The following PPP2R2A variants were observed in gnomAD, a reference collection of about 807,000 sequenced individuals.
The protein encoded by PPP2R2A is protein phosphatase 2 regulatory subunit Balpha, also known as serine/threonine-protein phosphatase 2A 55 kDa regulatory subunit B alpha isoform.
A neutral mutation model predicts 53.2 loss-of-function variants in PPP2R2A; 9 were observed. The observed-to-expected ratio is 0.17, with a 90% CI of 0.10 to 0.30. The LOEUF (loss-of-function observed/expected upper bound fraction) is 0.30, where lower values mean the gene tolerates loss of function less well. Ranked by LOEUF, PPP2R2A falls within the 10% of genes least tolerant of loss-of-function variation. The probability of loss-of-function intolerance (pLI) is 1.00; values close to 1 mark genes in which losing one functional copy is unlikely to be tolerated. For missense variants in PPP2R2A, 235 were observed against 534.6 expected, an observed-to-expected ratio of 0.44 and a Z score of 5.53; for synonymous variants, 169 against 174.2, an observed-to-expected ratio of 0.97 and a Z score of 0.23.
In PPP2R2A at chr8:26,320,693, GCTCA is replaced by G. The variant is rs538048706; in HGVS notation, c.83-18194_83-18191del. The stretch of plus-strand genomic sequence containing the variant: ...GTAGGTATATTGTTAGTGTTGCTGT[GCTCA>G]CTAAGTTTTGTGATGTTTTAAACGG... On this transcript the variant is annotated intron_variant, in intron 2 of 9. Coordinates refer to ENST00000380737, the MANE Select transcript of PPP2R2A (RefSeq NM_002717.4). Among the ~76,000 whole-genome samples, 16 of 152,174 alleles carry G rather than the reference GCTCA, an allele frequency of 1.1e-4. 1 individual carries two copies. The South Asian group carries it at 2.9e-3, about 28-fold the overall frequency.
At chr8:26,319,872 G>T (rs148822087) in intron 2 of PPP2R2A, among the ~76,000 whole-genome samples, 18 of 152,094 alleles carry the variant, frequency 1.2e-4, no homozygotes, top group African/African-American at 4.3e-4. Context: ...AAAGTCTTTT[G>T]TCTCCTTGGA....
At position 26,361,134 on chromosome 8, in the gene PPP2R2A, T is replaced by C. The variant is rs1475568127; in HGVS notation, c.620T>C (p.Ile207Thr). The change falls in exon 6 of 10, where the codon ATT becomes ACT. Residue 207 changes from isoleucine (I) to threonine (T), a missense_variant. Coordinates refer to ENST00000380737, the MANE Select transcript of PPP2R2A (RefSeq NM_002717.4). ...CGGATTAATCTTTGGCATCTGGAAA[T>C]TACAGACAGGAGTTTTAGTATCCAT... ...DLRINLWHLEITDRSFNIVDI... is the reference protein window; with the variant it reads ...DLRINLWHLETTDRSFNIVDI... 1 of 1,597,678 alleles carries C rather than the reference T, an allele frequency of 6.3e-7. No homozygotes were observed. Among genetic ancestry groups the C allele is most frequent in the African/African-American group, 1.4e-5 (1 of 73,906 alleles).
chr8:26,303,417 G>A (rs1024437011), intron 2 of PPP2R2A, among the ~76,000 whole-genome samples: 6 of 152,150 alleles, frequency 3.9e-5, no homozygotes, highest in African/African-American at 7.2e-5. Context: ...CATTAGAAGT[G>A]AGTTGGTGAC....
intron 2 of PPP2R2A, among the ~76,000 whole-genome samples, chr8:26,319,268 A>G (rs994167362): frequency 5.3e-5 from 8 of 152,172 alleles, no homozygotes; most frequent in Non-Finnish European, 1.5e-5. Context: ...TGCTATGAAC[A>G]CTGATCTTCA....
chr8:26,334,634 A>G (rs1362949284), intron 2 of PPP2R2A, among the ~76,000 whole-genome samples: 1 of 152,184 alleles, frequency 6.6e-6, no homozygotes, highest in South Asian at 2.1e-4. Context: ...AGTCCCAGCT[A>G]CTCAGGAGGC....
intron 4 of PPP2R2A, among the ~76,000 whole-genome samples, chr8:26,357,140 A>T (rs1766684153): frequency 6.6e-6 from 1 of 152,194 alleles, no homozygotes; most frequent in Non-Finnish European, 1.5e-5. Context: ...GGATGGGAGG[A>T]GTAGGACTTG....
At chr8:26,299,566 T>G (rs1163906925) in intron 2 of PPP2R2A, among the ~76,000 whole-genome samples, 1 of 152,190 alleles carries the variant, frequency 6.6e-6, no homozygotes, top group Non-Finnish European at 1.5e-5. Flanking sequence ...TTTTAAATGG[T>G]AGAGGCTAAA....
intron 3 of PPP2R2A, among the ~76,000 whole-genome samples, chr8:26,353,088 C>G (rs535985742): frequency 6.6e-6 from 1 of 152,170 alleles, no homozygotes; most frequent in South Asian, 2.1e-4. Flanking sequence ...TTTTGTGAGA[C>G]TGGGTGAGTC....
At chr8:26,347,548 A>G (rs1804283843) in intron 3 of PPP2R2A, among the ~76,000 whole-genome samples, 1 of 152,088 alleles carries the variant, frequency 6.6e-6, no homozygotes, top group Admixed American at 6.6e-5. Context: ...TGATAATCTG[A>G]GTGAAAGCAC....
intron 2 of PPP2R2A, among the ~76,000 whole-genome samples, chr8:26,314,042 T>C (rs1245213178): frequency 6.6e-6 from 1 of 152,236 alleles, no homozygotes; most frequent in Admixed American, 6.5e-5. Flanking sequence ...AATTACCTTA[T>C]TCATTTGGCT....
intron 2 of PPP2R2A, among the ~76,000 whole-genome samples, chr8:26,308,677 G>A (rs920641827): frequency 4.6e-5 from 7 of 152,090 alleles, no homozygotes; most frequent in Non-Finnish European, 8.8e-5. Context: ...GGAGTTATCC[G>A]TGAGTACTGG....
At chr8:26,347,701 A>C (rs1341214451) in intron 3 of PPP2R2A, among the ~76,000 whole-genome samples, 2 of 152,132 alleles carry the variant, frequency 1.3e-5, no homozygotes, top group Non-Finnish European at 2.9e-5. Flanking sequence ...CTTCATTCAG[A>C]TATCTCTCCC....
In PPP2R2A at chr8:26,319,691, GCT is replaced by G. The variant is rs1397384217; in HGVS notation, c.83-19194_83-19193del. 3.9e-5 allele frequency among the ~76,000 whole-genome samples: 6 copies of G among 152,016 alleles called. No homozygotes were observed. In the South Asian group the frequency reaches 1.2e-3, roughly 31 times the overall value. On this transcript the variant is annotated intron_variant, in intron 2 of 9. Transcript: ENST00000380737. ...CATATGTGCAGGGGTTTACTTCTGAGCTCTCTATTCCATTGATAGAACCCATT... is the reference window on the plus strand; with the variant it reads ...CATATGTGCAGGGGTTTACTTCTGAGCTCTATTCCATTGATAGAACCCATT...
At position 26,354,782 on chromosome 8, in the gene PPP2R2A, C is replaced by T; in HGVS notation, c.346+149C>T. The T allele has an allele frequency of 6.7e-6, 5 of 746,712 alleles. No homozygotes were observed. The highest frequency in any genetic ancestry group is 9.2e-6 in the Non-Finnish European group (5 of 540,996). The allele number at this position is 746,712 out of a possible 1,614,324, so 46.3% of individuals were successfully genotyped here. On this transcript the variant is annotated intron_variant, in intron 4 of 9. Transcript: ENST00000380737. This position sits in a 1 kb window ranked among gnomAD's most constrained non-coding sequence, Gnocchi z 4.6. ...AATGTAAACTCTACTTTTTTACTGT[C>T]ACTTGCAGTTTTTAGATTCTCTGAA... is the stretch of plus-strand genomic sequence containing the variant.
At position 26,360,290 on chromosome 8, in the gene PPP2R2A, A is replaced by G. The variant is rs200905892; in HGVS notation, c.459+9A>G. 275 of 1,517,228 alleles carry G rather than the reference A, an allele frequency of 1.8e-4. 1 individual carries two copies. Among genetic ancestry groups the G allele is most frequent in the African/African-American group, 1.4e-4 (10 of 72,088 alleles). 94.0% of individuals were successfully genotyped at this position (1,517,228 alleles called of 1,614,324 possible). A position where few individuals can be genotyped will look rare whatever the true frequency, so the allele number is the denominator to read the frequency against. ...CAGTTACTACACTACGAGTAAGTAC[A>G]TAAGAAAAAAATGTCACAGATAGTG... On this transcript the variant is annotated intron_variant, in intron 5 of 9. Transcript: ENST00000380737. The surrounding 1 kb of genome is among the most constrained non-coding windows in gnomAD (Gnocchi z 4.5).
At chr8:26,306,476 A>G (rs771007485) in intron 2 of PPP2R2A, among the ~76,000 whole-genome samples, 80 of 23,860 alleles carry the variant, frequency 3.4e-3, no homozygotes, top group South Asian at 5.1e-3. Context: ...ACTCTGTCTG[A>G]AAAAAAAAAA....
Position 26,291,793 on chromosome 8 carries a change from C to T in PPP2R2A, c.-27C>T. ...CAGGAAGCGGAGACCCCGAGGAACC[C>T]AGCAGGGTCACCATTTGCAGCGCAA... On this transcript the variant is annotated 5_prime_UTR_variant, in exon 1 of 10. Transcript: ENST00000380737. 4.4e-6 allele frequency: 7 copies of T among 1,602,114 alleles called. No homozygotes were observed. Among genetic ancestry groups the T allele is most frequent in the Non-Finnish European group, 6.0e-6 (7 of 1,175,116 alleles).
rs554555524 is a variant in PPP2R2A at position 26,350,352 on chromosome 8, C to T, written c.181-4116C>T. 5.3e-4 allele frequency among the ~76,000 whole-genome samples: 80 copies of T among 152,264 alleles called. No individual in the cohort carries two copies. The South Asian group carries it at 0.015, about 28-fold the overall frequency. On this transcript the variant is annotated intron_variant, in intron 3 of 9. Transcript: ENST00000380737. ...TGCTGGGATTACAGGCATGAGACAT[C>T]ACGTCCGGCCTTGTACTTACTCTTG...
intron 2 of PPP2R2A, among the ~76,000 whole-genome samples, chr8:26,308,462 GTTTCA>G (rs1368734760): frequency 1.7e-4 from 26 of 152,146 alleles, no homozygotes; most frequent in Non-Finnish European, 5.9e-5. Flanking sequence ...AATTTTGTTT[GTTTCA>G]TTTCAACAAT....
Sources: allele counts gnomAD v4.1 joint callset (sites outside exome capture counted in the v4.1 genomes callset), GRCh38; gene constraint gnomAD v4.1.1; non-coding constraint Gnocchi (gnomAD v3.1); transcripts MANE v1.5; gene names NCBI Gene and HGNC (gene_info 2026-07-23, HGNC 2026-07-21).